Variants in RNF213 observed in about 807,000 individuals in gnomAD.
RNF213 encodes the protein E3 ubiquitin-protein ligase RNF213.
RNF213 carries 341 observed loss-of-function variants against 514.4 expected under a neutral mutation model. The observed-to-expected ratio is 0.66, with a 90% CI of 0.61 to 0.73. RNF213 has a LOEUF of 0.73. Ranked by LOEUF, RNF213 falls within the 30% of genes least tolerant of loss-of-function variation. RNF213 has a pLI of 0.00. For missense variants in RNF213, 5,767 were observed against 6,615.6 expected (o/e 0.87, Z 4.45); for synonymous variants, 2,655 against 2,658.2 (o/e 1.00, Z 0.04).
chr17:80,300,880 A>G (rs896187524), intron 11 of RNF213, among the ~76,000 whole-genome samples: 3 of 151,380 alleles, frequency 2.0e-5, no homozygotes, highest in African/African-American at 7.3e-5. Context: ...GCATTTCTCT[A>G]ATGATGAGTG....
At chr17:80,279,084 G>T (rs1052066329) in intron 3 of RNF213, among the ~76,000 whole-genome samples, 1 of 152,240 alleles carries the variant, frequency 6.6e-6, no homozygotes, top group Non-Finnish European at 1.5e-5. Flanking sequence ...GCTGATTCAG[G>T]CTTGGCTCTT....
intron 25 of RNF213, among the ~76,000 whole-genome samples, chr17:80,338,920 C>A (rs2078065928): frequency 6.6e-6 from 1 of 150,832 alleles, no homozygotes; most frequent in African/African-American, 2.4e-5. Flanking sequence ...TGCACTCCAG[C>A]CTGGGCAACA....
chr17:80,329,657 C>T (rs2046362882), intron 20 of RNF213, among the ~76,000 whole-genome samples: 1 of 151,962 alleles, frequency 6.6e-6, no homozygotes, highest in Admixed American at 6.6e-5. Context: ...AGCAAGACCC[C>T]ATCTCTAAAA....
chr17:80,386,595 C>CCAACTGTGAGAAATGGGAGCT (rs2080245726), intron 62 of RNF213, 95 bp from the exon 63 acceptor site: 1 of 1,490,752 alleles, frequency 6.7e-7, no homozygotes, highest in East Asian at 2.3e-5. Flanking sequence ...TTCCACTGCT[C>CCAACTGTGAGAAATGGGAGCT]CAACTGTGAG....
intron 14 of RNF213, among the ~76,000 whole-genome samples, chr17:80,311,890 G>T (rs2045586356): frequency 6.6e-6 from 1 of 152,218 alleles, no homozygotes; most frequent in Admixed American, 6.5e-5. Context: ...ACTTTGGAAG[G>T]CCAAAGCAGG....
At position 80,310,927 on chromosome 17, in the gene RNF213, CTTTCTTCCTTTCAGT is replaced by C. The variant is rs1192514920; in HGVS notation, c.2655+1763_2655+1777del. Among the ~76,000 whole-genome samples the C allele has an allele frequency of 2.3e-4, 35 of 152,140 alleles. 1 individual carries two copies. Among genetic ancestry groups the C allele is most frequent in the African/African-American group, 7.2e-5 (3 of 41,424 alleles). On this transcript the variant is annotated intron_variant, in intron 14 of 67. Transcript: ENST00000582970. ...GAAAACAATTAAGTGTATGTTTTAA[CTTTCTTCCTTTCAGT>C]TTTCTTGTGTTAAAGTACCACAGAC...
Position 80,332,566 on chromosome 17 carries a change from T to G in RNF213, c.4078T>G (p.Leu1360Val). 6.5e-7 allele frequency: 1 copy of G among 1,534,356 alleles called. No homozygotes were observed. Among genetic ancestry groups the G allele is most frequent in the Non-Finnish European group, 8.7e-7 (1 of 1,144,836 alleles). ...GGCTGTCCACGCAGCCAAGGTCATC[T>G]TGCAGGTCAAAGAGAGCCTGGGACT... ...HQAVHAAKVI[L>V]QVKESLGLNG... is the part of the protein sequence containing the mutation. Residue 1360 changes from leucine to valine, a missense_variant, in exon 21 of 68, where the codon TTG becomes GTG. Leu to Val is a conservative substitution (Grantham distance 32). Transcript: ENST00000582970.
Position 80,317,425 on chromosome 17 carries a change from A to C in RNF213, c.2901+148A>C, listed in dbSNP as rs1319183342. On this transcript the variant is annotated intron_variant, in intron 16 of 67. Transcript: ENST00000582970. This position sits in a 1 kb window ranked among gnomAD's most constrained non-coding sequence, Gnocchi z 4.1. Reference sequence around the variant, plus strand: ...AGCTCCGTGTTTCTGTTTCTGATCCAGCCCTTATAGTCTGTCCCTAGAAGA... The same window carrying C: ...AGCTCCGTGTTTCTGTTTCTGATCCCGCCCTTATAGTCTGTCCCTAGAAGA... 2 of 766,122 alleles carry C rather than the reference A, an allele frequency of 2.6e-6. No individual in the cohort carries two copies. Among genetic ancestry groups the C allele is most frequent in the Non-Finnish European group, 4.6e-6 (2 of 435,176 alleles). 47.5% of individuals were successfully genotyped at this position (766,122 alleles called of 1,614,324 possible).
intron 60 of RNF213, 138 bp downstream of exon 60, chr17:80,385,309 G>T: frequency 8.7e-7 from 1 of 1,147,504 alleles, no homozygotes; most frequent in Admixed American, 1.9e-5. Context: ...ACCATGCGGT[G>T]AAGGGTGCTT....
At chr17:80,316,521 G>A (rs1033610122) in intron 15 of RNF213, 2 of 161,144 alleles carry the variant, frequency 1.2e-5, no homozygotes, top group African/African-American at 4.8e-5. Flanking sequence ...TGTGTCCCAG[G>A]AGGATCTAGG....
At chr17:80,372,094 C>T (rs971653890) in intron 47 of RNF213, 109 bp downstream of exon 47, 2 of 746,392 alleles carry the variant, frequency 2.7e-6, no homozygotes, top group African/African-American at 1.8e-5. Context: ...ATGCTCTGTT[C>T]CGTGCAGAAA....
chr17:80,363,569 G>C, intron 40 of RNF213, 40 bp from the exon 41 acceptor site: 1 of 1,607,770 alleles, frequency 6.2e-7, no homozygotes, highest in Non-Finnish European at 8.5e-7. Flanking sequence ...GCCGGTGGGA[G>C]GGGCACCGCT....
Position 80,340,184 on chromosome 17 carries a change from C to A in RNF213, c.5817C>A (p.Leu1939=). The stretch of plus-strand genomic sequence containing the variant: ...ATGGGGACTGGGAGCACTGCTACCT[C>A]CCCTCTGCCTTCAGCCAGCACAAGG... ...VCDGDWEHCY[L]PSAFSQHKVF... is the part of the protein sequence containing the mutation. Residue 1939 remains leucine, a synonymous_variant, in exon 26 of 68, where the codon CTC becomes CTA. Transcript: ENST00000582970. 1 of 1,614,118 alleles carries A rather than the reference C, an allele frequency of 6.2e-7. No homozygotes were observed. The highest frequency in any genetic ancestry group is 8.5e-7 in the Non-Finnish European group (1 of 1,180,026).
Position 80,353,303 on chromosome 17 carries a change from G to C in RNF213, c.10424-209G>C. The C allele has an allele frequency of 1.3e-6, 1 of 776,200 alleles. No homozygotes were observed. The highest frequency in any genetic ancestry group is 2.1e-6 in the Non-Finnish European group (1 of 470,628). 48.1% of individuals were successfully genotyped at this position (776,200 alleles called of 1,614,324 possible). A position where few individuals can be genotyped will look rare whatever the true frequency, so the allele number is the denominator to read the frequency against. ...GGCCAGCCATGGAAGTGAGCACCTA[G>C]AACACGCCAGAGCCCAGGCTGGAAG... On this transcript the variant is annotated intron_variant, in intron 33 of 67. Coordinates refer to ENST00000582970, the MANE Select transcript of RNF213 (RefSeq NM_001256071.3). The surrounding 1 kb of genome is among the most constrained non-coding windows in gnomAD (Gnocchi z 5.0).
chr17:80,385,487 C>T, intron 60 of RNF213, 51 bp from the exon 61 acceptor site: 1 of 1,557,296 alleles, frequency 6.4e-7, no homozygotes, highest in Non-Finnish European at 8.9e-7. Context: ...TGGTTTGGCC[C>T]TTTCAGGGGG....
At chr17:80,303,966 G>A (rs2045270575) in intron 11 of RNF213, among the ~76,000 whole-genome samples, 1 of 149,650 alleles carries the variant, frequency 6.7e-6, no homozygotes, top group South Asian at 2.1e-4. Context: ...GAGGCCACTA[G>A]ATGATCAAGA....
At chr17:80,348,391 G>A in intron 29 of RNF213, 105 bp downstream of exon 29, 3 of 1,490,434 alleles carry the variant, frequency 2.0e-6, no homozygotes, top group South Asian at 1.1e-5. Context: ...TAGGGATCCT[G>A]CAGGGAGATG....
chr17:80,344,594 A>G (rs1599068598), intron 28 of RNF213, 84 bp from the exon 29 acceptor site: 5 of 1,452,770 alleles, frequency 3.4e-6, no homozygotes, highest in Non-Finnish European at 4.8e-6. Context: ...TCCATCCAAT[A>G]TAGATAACGT....
chr17:80,344,694 A>T lies in RNF213; in HGVS notation c.6359A>T (p.Gln2120Leu), dbSNP rs946415348. 6.2e-7 allele frequency: 1 copy of T among 1,614,148 alleles called. No individual in the cohort carries two copies. The highest frequency in any genetic ancestry group is 1.1e-5 in the South Asian group (1 of 91,078). The change falls in exon 29 of 68, where the codon CAG becomes CTG. Residue 2120 changes from glutamine to leucine, a missense_variant. By Grantham distance (113) the Gln-to-Leu change is moderately radical. This residue lies in a region of RNF213 where 1,377 missense variants were observed against 1,635.2 expected (regional missense o/e 0.84). Transcript: ENST00000582970. ...SSSALRTRVPQFSFLDIFPKV... is the reference protein window; with the variant it reads ...SSSALRTRVPLFSFLDIFPKV... Reference sequence around the variant, plus strand: ...CCTTTCCAGCGTACACGTGTACCCCAGTTCAGTTTTCTTGACATCTTCCCA... The same window carrying T: ...CCTTTCCAGCGTACACGTGTACCCCTGTTCAGTTTTCTTGACATCTTCCCA...
Sources: gnomAD v4.1 joint callset for allele counts (sites outside exome capture counted in the v4.1 genomes callset) on GRCh38, gnomAD v4.1.1 for gene constraint, gnomAD v4.1.1 regional missense constraint, Gnocchi (gnomAD v3.1) non-coding constraint, MANE v1.5 for transcripts, NCBI Gene and HGNC (gene_info 2026-07-23, HGNC 2026-07-21) for gene names.